MYO3B: variants seen among roughly 807,000 people sequenced by gnomAD.
MYO3B encodes the protein myosin-IIIb.
In MYO3B, 156 loss-of-function variants were observed where a neutral mutation model predicts 174.6. That is an observed-to-expected ratio of 0.89 (90% CI 0.78 to 1.02). The LOEUF (loss-of-function observed/expected upper bound fraction) is 1.02. Ranked by LOEUF, MYO3B falls within the 50% of genes least tolerant of loss-of-function variation. MYO3B has a pLI of 0.00. For missense variants in MYO3B, 1,632 were observed against 1,639.4 expected (o/e 1.00, Z 0.08); for synonymous variants, 563 against 569.1 (o/e 0.99, Z 0.15).
intron 22 of MYO3B, among the ~76,000 whole-genome samples, chr2:170,430,167 A>G (rs919293037): frequency 6.6e-5 from 10 of 152,068 alleles, no homozygotes; most frequent in African/African-American, 2.2e-4. Flanking sequence ...TGAATCCCTC[A>G]TATATACTAA....
At position 170,217,311 on chromosome 2, in the gene MYO3B, C is replaced by G. The variant is rs908098393; in HGVS notation, c.527-8C>G. 13 of 1,613,384 alleles carry G rather than the reference C, an allele frequency of 8.1e-6. No homozygotes were observed. The East Asian group carries it at 2.7e-4, about 33-fold the overall frequency. On this transcript the variant is annotated splice_polypyrimidine_tract_variant and splice_region_variant and intron_variant, in intron 5 of 34. Coordinates refer to ENST00000408978, the MANE Select transcript of MYO3B (RefSeq NM_138995.5). Reference sequence around the variant, plus strand: ...TCACTTTTGAATTCTGATACTCTTTCCTTATAGGTGTTTCAGCTCAACTCA... The same window carrying G: ...TCACTTTTGAATTCTGATACTCTTTGCTTATAGGTGTTTCAGCTCAACTCA...
intron 8 of MYO3B, among the ~76,000 whole-genome samples, chr2:170,363,358 A>G (rs2094175612): frequency 6.6e-6 from 1 of 152,086 alleles, no homozygotes; most frequent in Non-Finnish European, 1.5e-5. Context: ...CAAGTGTTTT[A>G]TTCATTGGTA....
intron 7 of MYO3B, among the ~76,000 whole-genome samples, chr2:170,312,373 T>C (rs904942500): frequency 1.3e-5 from 2 of 152,240 alleles, no homozygotes; most frequent in Non-Finnish European, 2.9e-5. Flanking sequence ...GAGCACTGAG[T>C]GTGAGAATGG....
At chr2:170,412,975 T>C (rs1460296146) in intron 22 of MYO3B, among the ~76,000 whole-genome samples, 1 of 152,180 alleles carries the variant, frequency 6.6e-6, no homozygotes, top group East Asian at 1.9e-4. Context: ...AGAATCTGTC[T>C]AGATATGGTG....
intron 23 of MYO3B, among the ~76,000 whole-genome samples, chr2:170,453,142 A>G (rs1837241): frequency 0.31 from 47,762 of 151,950 alleles, 7,778 homozygotes; most frequent in Admixed American, 0.42. Flanking sequence ...GACATAAAAC[A>G]ACATGAGAAA....
At chr2:170,278,440 A>G (rs2093479518) in intron 7 of MYO3B, among the ~76,000 whole-genome samples, 1 of 152,150 alleles carries the variant, frequency 6.6e-6, no homozygotes, top group Non-Finnish European at 1.5e-5. Context: ...CAAATATTGT[A>G]GATACTAAAA....
At chr2:170,422,291 C>T (rs1008044874) in intron 22 of MYO3B, among the ~76,000 whole-genome samples, 7 of 152,154 alleles carry the variant, frequency 4.6e-5, no homozygotes, top group Non-Finnish European at 8.8e-5. Context: ...CAGCCTGGAA[C>T]TCCTGGGCTC....
At chr2:170,409,578 A>G (rs746477462) in intron 22 of MYO3B, among the ~76,000 whole-genome samples, 30 of 152,368 alleles carry the variant, frequency 2.0e-4, no homozygotes, top group Non-Finnish European at 3.5e-4. Flanking sequence ...AGCCACAAAC[A>G]TCAAAACTTA....
intron 3 of MYO3B, among the ~76,000 whole-genome samples, chr2:170,204,069 C>T (rs981990271): frequency 1.3e-5 from 2 of 152,294 alleles, no homozygotes; most frequent in East Asian, 1.9e-4. Flanking sequence ...ATGAGCATCT[C>T]TCCACTCTGA....
At chr2:170,638,968 G>A (rs1225309397) in intron 32 of MYO3B, among the ~76,000 whole-genome samples, 1 of 152,110 alleles carries the variant, frequency 6.6e-6, no homozygotes, top group Non-Finnish European at 1.5e-5. Context: ...CCAGCCCCTT[G>A]CACACTCACA....
intron 7 of MYO3B, among the ~76,000 whole-genome samples, chr2:170,321,987 G>A (rs1398078399): frequency 4.6e-5 from 7 of 151,960 alleles, no homozygotes; most frequent in Non-Finnish European, 7.4e-5. Context: ...GGTGGCACGT[G>A]CCTGTAATCC....
At chr2:170,280,207 T>A (rs2093497535) in intron 7 of MYO3B, among the ~76,000 whole-genome samples, 2 of 152,368 alleles carry the variant, frequency 1.3e-5, no homozygotes, top group South Asian at 4.1e-4. Flanking sequence ...ATTTCTTTAA[T>A]GATCAGTGAT....
At chr2:170,561,184 G>C (rs1358589118) in intron 32 of MYO3B, among the ~76,000 whole-genome samples, 1 of 152,172 alleles carries the variant, frequency 6.6e-6, no homozygotes, top group South Asian at 2.1e-4. Context: ...AGGGCACTGG[G>C]AAACAGTCCA....
At chr2:170,179,903 C>T (rs965683696) in intron 1 of MYO3B, among the ~76,000 whole-genome samples, 2 of 152,132 alleles carry the variant, frequency 1.3e-5, no homozygotes, top group African/African-American at 4.8e-5. Context: ...GTACAGATTT[C>T]CTCTGACATT....
At position 170,200,254 on chromosome 2, in the gene MYO3B, T is replaced by C. The variant is rs778629887; in HGVS notation, c.291T>C (p.Cys97=). Residue 97 remains cysteine, a synonymous_variant, in exon 3 of 35, where the codon TGT becomes TGC. Transcript: ENST00000408978. ...FYGMFYKADH[C]VGGQLWLVLE... ...GGATGTTTTACAAAGCGGATCACTG[T>C]GTAGGGGGACAGCTGTGGCTGGTCC... The C allele has an allele frequency of 6.4e-5, 104 of 1,612,900 alleles. 1 individual carries two copies. In the Admixed American group the frequency reaches 1.7e-3, roughly 27 times the overall value.
At chr2:170,327,195 G>A (rs2093874726) in intron 7 of MYO3B, among the ~76,000 whole-genome samples, 2 of 152,156 alleles carry the variant, frequency 1.3e-5, no homozygotes, top group African/African-American at 4.8e-5. Flanking sequence ...GACCATCCTG[G>A]CCCACATGGT....
chr2:170,515,517 GTCC>G (rs1688251623), intron 29 of MYO3B, among the ~76,000 whole-genome samples: 1 of 152,216 alleles, frequency 6.6e-6, no homozygotes, highest in East Asian at 1.9e-4. Context: ...CTGGTTCTCA[GTCC>G]TCCACCAGTT....
At chr2:170,391,931 G>C (rs552517947) in intron 15 of MYO3B, among the ~76,000 whole-genome samples, 1 of 152,068 alleles carries the variant, frequency 6.6e-6, no homozygotes, top group Admixed American at 6.6e-5. Context: ...GAAGTGGGAG[G>C]ATTACTTGAA....
Position 170,236,129 on chromosome 2 carries a change from A to T in MYO3B, c.742A>T (p.Ile248Phe), listed in dbSNP as rs890868017. The change falls in exon 7 of 35, where the codon ATT becomes TTT. Residue 248 changes from isoleucine (I) to phenylalanine (F), a missense_variant. Transcript: ENST00000408978. ...DMHPVKTLFK[I>F]PRNPPPTLLH... ...GCATCCTGTGAAAACACTCTTTAAGATTCCAAGGTAAGACACAAGATGGCG... is the reference window on the plus strand; with the variant it reads ...GCATCCTGTGAAAACACTCTTTAAGTTTCCAAGGTAAGACACAAGATGGCG... The T allele has an allele frequency of 7.4e-6, 12 of 1,614,008 alleles. No homozygotes were observed. The highest frequency in any genetic ancestry group is 1.7e-5 in the Admixed American group (1 of 59,998).
Sources: allele counts gnomAD v4.1 joint callset (sites outside exome capture counted in the v4.1 genomes callset), GRCh38; gene constraint gnomAD v4.1.1; transcripts MANE v1.5; gene names NCBI Gene and HGNC (gene_info 2026-07-23, HGNC 2026-07-21).